The following GFRAL variants were observed in gnomAD, a reference collection of about 807,000 sequenced individuals.
The protein encoded by GFRAL is GDNF family receptor alpha like.
Under a neutral mutation model 45.4 loss-of-function variants are expected in GFRAL, and 36 were observed. The ratio of observed to expected loss-of-function variants is 0.79; its 90% CI spans 0.61 to 1.05. The LOEUF is 1.05. GFRAL is among the 50% of genes least tolerant of loss of function. The probability of loss-of-function intolerance (pLI) is 0.00; values close to 1 mark genes in which losing one functional copy is unlikely to be tolerated. For synonymous variants in GFRAL, 166 were observed against 154.1 expected (o/e 1.08, Z -0.57); for missense variants, 507 against 467.5 (o/e 1.08, Z -0.78).
chr6:55,364,578 C>G (rs1051715915), intron 6 of GFRAL, among the ~76,000 whole-genome samples: 1 of 146,592 alleles, frequency 6.8e-6, no homozygotes, highest in South Asian at 2.1e-4. Context: ...TTAGGTCTAA[C>G]GTTTAAGTCT....
chr6:55,376,561 G>T (rs975348742), intron 6 of GFRAL, among the ~76,000 whole-genome samples: 3 of 151,838 alleles, frequency 2.0e-5, no homozygotes, highest in African/African-American at 7.3e-5. Context: ...TTTCTTCCTG[G>T]TTCAGTCTCG....
At chr6:55,332,535 T>C (rs1156730387) in intron 2 of GFRAL, among the ~76,000 whole-genome samples, 1 of 152,144 alleles carries the variant, frequency 6.6e-6, no homozygotes, top group Non-Finnish European at 1.5e-5. Context: ...TTCTTTCTCC[T>C]GCCTCAGCCT....
At chr6:55,352,678 G>A (rs981785320) in intron 5 of GFRAL, among the ~76,000 whole-genome samples, 3 of 151,996 alleles carry the variant, frequency 2.0e-5, no homozygotes, top group Non-Finnish European at 4.4e-5. Context: ...AATCTAAGAT[G>A]GAGTCTTTTT....
chr6:55,343,469 T>C (rs1767997548), intron 3 of GFRAL, among the ~76,000 whole-genome samples: 1 of 152,126 alleles, frequency 6.6e-6, no homozygotes, highest in African/African-American at 2.4e-5. Flanking sequence ...AAGATGTTCT[T>C]TGAAAACAAT....
intron 6 of GFRAL, among the ~76,000 whole-genome samples, chr6:55,367,317 T>C (rs1403953472): frequency 2.8e-5 from 4 of 142,044 alleles, no homozygotes; most frequent in Admixed American, 1.4e-4. Flanking sequence ...CATCCTTTTA[T>C]TTTGAGCCTA....
chr6:55,385,131 A>G (rs1181147783), intron 6 of GFRAL, among the ~76,000 whole-genome samples: 1 of 152,108 alleles, frequency 6.6e-6, no homozygotes, highest in Non-Finnish European at 1.5e-5. Context: ...AATGACCAGA[A>G]GCATATCAAG....
rs191048210 is a variant in GFRAL at position 55,340,383 on chromosome 6, C to T, written c.316+6439C>T. 1.4e-4 allele frequency among the ~76,000 whole-genome samples: 22 copies of T among 152,220 alleles called. No homozygotes were observed. The South Asian group carries it at 1.5e-3, about 10-fold the overall frequency. The stretch of plus-strand genomic sequence containing the variant: ...CTAAAGCACCCAGCAGAATACCTGA[C>T]GCTTAGCAAATTATTAGTAAATATA... On this transcript the variant is annotated intron_variant, in intron 3 of 8. Coordinates refer to ENST00000340465, the MANE Select transcript of GFRAL (RefSeq NM_207410.2).
chr6:55,330,886 A>G (rs1177618686), intron 1 of GFRAL, among the ~76,000 whole-genome samples: 1 of 152,168 alleles, frequency 6.6e-6, no homozygotes, highest in Non-Finnish European at 1.5e-5. Flanking sequence ...ATTTAGCAAG[A>G]ATGAATATGG....
At chr6:55,332,990 CTATT>C (rs1358117142) in intron 2 of GFRAL, among the ~76,000 whole-genome samples, 3 of 151,880 alleles carry the variant, frequency 2.0e-5, no homozygotes, top group South Asian at 2.1e-4. Flanking sequence ...TAAAAATAAT[CTATT>C]TATTTTGATG....
At chr6:55,397,524 CAAAAAA>C (rs70986715) in intron 6 of GFRAL, among the ~76,000 whole-genome samples, 7 of 67,420 alleles carry the variant, frequency 1.0e-4, no homozygotes, top group South Asian at 7.8e-4. Flanking sequence ...GACTCCGTCT[CAAAAAA>C]AAAAAAAAAA....
chr6:55,385,668 T>C (rs1768672064), intron 6 of GFRAL, among the ~76,000 whole-genome samples: 1 of 152,080 alleles, frequency 6.6e-6, no homozygotes, highest in Non-Finnish European at 1.5e-5. Context: ...ATAAATCTTA[T>C]AATTGTCAAT....
intron 4 of GFRAL, among the ~76,000 whole-genome samples, chr6:55,350,811 T>G (rs1768106687): frequency 6.6e-6 from 1 of 152,138 alleles, no homozygotes; most frequent in African/African-American, 2.4e-5. Context: ...GTATAAACAT[T>G]TATATATGCT....
intron 6 of GFRAL, among the ~76,000 whole-genome samples, chr6:55,394,692 A>G (rs949200069): frequency 6.6e-6 from 1 of 152,046 alleles, no homozygotes; most frequent in African/African-American, 2.4e-5. Flanking sequence ...ATGAGAAAGG[A>G]GGGAGAACTA....
chr6:55,386,793 G>A (rs558140022), intron 6 of GFRAL, among the ~76,000 whole-genome samples: 4 of 152,228 alleles, frequency 2.6e-5, no homozygotes, highest in African/African-American at 7.2e-5. Context: ...TCACCACTAG[G>A]TTTACTTGCA....
intron 1 of GFRAL, 44 bp downstream of exon 1, chr6:55,327,620 C>T: frequency 6.4e-7 from 1 of 1,571,488 alleles, no homozygotes. Context: ...ATTCATAATA[C>T]TAATTCTTTG....
intron 3 of GFRAL, among the ~76,000 whole-genome samples, chr6:55,338,917 A>G (rs1378192687): frequency 6.6e-6 from 1 of 152,152 alleles, no homozygotes; most frequent in African/African-American, 2.4e-5. Context: ...TTTTAAATAG[A>G]GGAATGTATC....
intron 5 of GFRAL, among the ~76,000 whole-genome samples, chr6:55,355,843 T>C (rs1008398499): frequency 2.0e-5 from 3 of 152,118 alleles, no homozygotes; most frequent in Middle Eastern, 3.4e-3. Context: ...TTTTATATGA[T>C]ACTAGCTATT....
chr6:55,365,299 G>A (rs1369636436), intron 6 of GFRAL, among the ~76,000 whole-genome samples: 1 of 141,592 alleles, frequency 7.1e-6, no homozygotes. Flanking sequence ...TGTATCCTGA[G>A]ACTTTGCTGA....
chr6:55,367,550 A>G (rs952498853), intron 6 of GFRAL, among the ~76,000 whole-genome samples: 1 of 149,768 alleles, frequency 6.7e-6, no homozygotes, highest in Non-Finnish European at 1.5e-5. Flanking sequence ...TGGTCTTTAC[A>G]TTTTGGCATG....
Sources: allele counts gnomAD v4.1 joint callset (sites outside exome capture counted in the v4.1 genomes callset), GRCh38; gene constraint gnomAD v4.1.1; transcripts MANE v1.5; gene names NCBI Gene and HGNC (gene_info 2026-07-23, HGNC 2026-07-21).